Variants in GFOD1 observed in about 807,000 individuals in gnomAD.
GFOD1 encodes the protein Gfo/Idh/MocA-like oxidoreductase domain containing 1, also known as glucose-fructose oxidoreductase domain-containing protein 1.
A neutral mutation model predicts 25.4 loss-of-function variants in GFOD1; 9 were observed. The observed-to-expected ratio is 0.35, with a 90% CI of 0.21 to 0.62. The LOEUF (loss-of-function observed/expected upper bound fraction) is 0.62, where lower values mean the gene tolerates loss of function less well. Ranked by LOEUF, GFOD1 falls within the 20% of genes least tolerant of loss-of-function variation. The pLI is 0.72. For synonymous variants in GFOD1, 253 were observed against 245.6 expected, an observed-to-expected ratio of 1.03 and a Z score of -0.28; for missense variants, 403 against 556.9, an observed-to-expected ratio of 0.72 and a Z score of 2.78.
At chr6:13,461,522 C>T (rs1562226172) in intron 1 of GFOD1, among the ~76,000 whole-genome samples, 1 of 152,136 alleles carries the variant, frequency 6.6e-6, no homozygotes, top group Non-Finnish European at 1.5e-5. Flanking sequence ...TGCCGGCCCC[C>T]GCTTGTTTTT....
At chr6:13,396,825 C>T (rs1304199526) in intron 1 of GFOD1, among the ~76,000 whole-genome samples, 1 of 152,182 alleles carries the variant, frequency 6.6e-6, no homozygotes. Flanking sequence ...GAACACGGCC[C>T]TGCCAGCACA....
chr6:13,448,888 T>C (rs1406030875), intron 1 of GFOD1, among the ~76,000 whole-genome samples: 1 of 152,202 alleles, frequency 6.6e-6, no homozygotes, highest in Non-Finnish European at 1.5e-5. Flanking sequence ...CAAAAGTCTC[T>C]AAAACAGGGG....
intron 1 of GFOD1, among the ~76,000 whole-genome samples, chr6:13,421,426 C>G (rs1005851853): frequency 2.0e-5 from 3 of 152,022 alleles, no homozygotes; most frequent in Admixed American, 2.0e-4. Flanking sequence ...CCCAGGAGAT[C>G]AAAGCTGCAG....
At chr6:13,451,226 T>C (rs1166695669) in intron 1 of GFOD1, among the ~76,000 whole-genome samples, 1 of 152,196 alleles carries the variant, frequency 6.6e-6, no homozygotes, top group Admixed American at 6.5e-5. Context: ...AGTCTGGCCT[T>C]GAAAACCTTT....
intron 1 of GFOD1, among the ~76,000 whole-genome samples, chr6:13,447,818 A>C (rs1022187142): frequency 2.6e-5 from 4 of 151,980 alleles, no homozygotes; most frequent in Non-Finnish European, 5.9e-5. Context: ...GCATCAATCA[A>C]AAAAGTAAAG....
chr6:13,430,810 C>G lies in GFOD1; in HGVS notation c.253+55828G>C, dbSNP rs899762207. Among the ~76,000 whole-genome samples, 7 of 152,142 alleles carry G rather than the reference C, an allele frequency of 4.6e-5. No individual in the cohort carries two copies. The highest frequency in any genetic ancestry group is 1.7e-4 in the African/African-American group (7 of 41,430). On this transcript the variant is annotated intron_variant, in intron 1 of 1. Coordinates refer to ENST00000379287, the MANE Select transcript of GFOD1 (RefSeq NM_018988.4). The surrounding 1 kb of genome is among the most constrained non-coding windows in gnomAD (Gnocchi z 4.1). Reference sequence around the variant, plus strand: ...CTCCTGTCAGGCTCGCTACCAAACTCTACTCCTCACCCTCTCTTTCTCCAG... The same window carrying G: ...CTCCTGTCAGGCTCGCTACCAAACTGTACTCCTCACCCTCTCTTTCTCCAG...
intron 1 of GFOD1, among the ~76,000 whole-genome samples, chr6:13,382,138 C>A (rs1443543816): frequency 6.6e-6 from 1 of 152,102 alleles, no homozygotes; most frequent in Admixed American, 6.5e-5. Context: ...GGATCCAAAC[C>A]CCCATAATCT....
At chr6:13,420,476 G>A (rs1158039730) in intron 1 of GFOD1, among the ~76,000 whole-genome samples, 1 of 152,180 alleles carries the variant, frequency 6.6e-6, no homozygotes, top group African/African-American at 2.4e-5. Context: ...GGAACACTAA[G>A]GGAATTAGGA....
rs149909873 is a variant in GFOD1, at chr6:13,392,419, C to T, written c.254-26757G>A. ...TGGTCAGTGTGTTTTGAATAGGTAA[C>T]GACTCCTCCACCAAAAAATAAAAAG... is the stretch of plus-strand genomic sequence containing the variant. On this transcript the variant is annotated intron_variant, in intron 1 of 1. Transcript: ENST00000379287. Among the ~76,000 whole-genome samples the T allele has an allele frequency of 1.2e-3, 181 of 146,670 alleles. 1 individual carries two copies. The East Asian group carries it at 0.031, about 25-fold the overall frequency.
In GFOD1 at chr6:13,360,603, T is replaced by C; in HGVS notation, c.*4140A>G. 2.3e-6 allele frequency: 1 copy of C among 425,688 alleles called. No individual in the cohort carries two copies. The highest frequency in any genetic ancestry group is 4.8e-6 in the Non-Finnish European group (1 of 206,596). The allele number at this position is 425,688 out of a possible 1,614,324, so 26.4% of individuals were successfully genotyped here. On this transcript the variant is annotated 3_prime_UTR_variant, in exon 2 of 2. Transcript: ENST00000379287. Reference sequence around the variant, plus strand: ...CTTGCTGCATCACCTACAATCAAAATGAACATAGGAAGTCAATTTTAAAAA... The same window carrying C: ...CTTGCTGCATCACCTACAATCAAAACGAACATAGGAAGTCAATTTTAAAAA...
chr6:13,399,767 T>A (rs1785806154), intron 1 of GFOD1, among the ~76,000 whole-genome samples: 1 of 152,212 alleles, frequency 6.6e-6, no homozygotes, highest in Non-Finnish European at 1.5e-5. Flanking sequence ...AAAAGTCAAC[T>A]AAGGCAACTA....
At chr6:13,437,625 G>A (rs1757853903) in intron 1 of GFOD1, among the ~76,000 whole-genome samples, 1 of 152,158 alleles carries the variant, frequency 6.6e-6, no homozygotes, top group South Asian at 2.1e-4. Flanking sequence ...TGCCTTTTTA[G>A]TTCAAACCTC....
intron 1 of GFOD1, among the ~76,000 whole-genome samples, chr6:13,391,396 G>C (rs1453800435): frequency 6.6e-6 from 1 of 151,814 alleles, no homozygotes; most frequent in Non-Finnish European, 1.5e-5. Flanking sequence ...TACTCGGGAG[G>C]CTGAGGCAGG....
intron 1 of GFOD1, among the ~76,000 whole-genome samples, chr6:13,419,800 G>A (rs1449383700): frequency 2.0e-5 from 3 of 152,156 alleles, no homozygotes; most frequent in Admixed American, 6.5e-5. Flanking sequence ...CCTGCTGTCC[G>A]TAAATGTTCA....
rs979618971 is a variant in GFOD1 at position 13,406,126 on chromosome 6, C to T, written c.254-40464G>A. Among the ~76,000 whole-genome samples the T allele has an allele frequency of 9.2e-5, 14 of 152,258 alleles. No individual in the cohort carries two copies. In the East Asian group the frequency reaches 2.5e-3, roughly 27 times the overall value. ...CCTTTTGGCAGGAGGTGGAGATGGG[C>T]AGGGGTGGAAAGAACCCACAAATGT... On this transcript the variant is annotated intron_variant, in intron 1 of 1. Transcript: ENST00000379287.
Position 13,387,127 on chromosome 6 carries a change from CA to C in GFOD1, c.254-21466del. On this transcript the variant is annotated intron_variant, in intron 1 of 1. Transcript: ENST00000379287. ...GCATACACACAAGAAATTGAAATTG[CA>C]AGCAGCTTTCCCACATGGAAGAGGC... 1.3e-5 allele frequency among the ~76,000 whole-genome samples: 2 copies of C among 152,140 alleles called. 1 individual carries two copies. Among genetic ancestry groups the C allele is most frequent in the South Asian group, 4.2e-4 (2 of 4,818 alleles).
intron 1 of GFOD1, among the ~76,000 whole-genome samples, chr6:13,378,984 C>T (rs1181581666): frequency 2.0e-5 from 3 of 152,174 alleles, no homozygotes; most frequent in African/African-American, 7.2e-5. Flanking sequence ...AGGCAATAAA[C>T]CCCTCCTGCA....
intron 1 of GFOD1, among the ~76,000 whole-genome samples, chr6:13,454,440 C>A (rs142957395): frequency 2.8e-4 from 42 of 152,308 alleles, no homozygotes; most frequent in Middle Eastern, 6.8e-3. Flanking sequence ...ATAATAATTG[C>A]ACCTTTGTTG....
chr6:13,369,732 G>C (rs1785112852), intron 1 of GFOD1, among the ~76,000 whole-genome samples: 1 of 152,170 alleles, frequency 6.6e-6, no homozygotes, highest in African/African-American at 2.4e-5. Context: ...CTGTCATGCA[G>C]CCATATAATA....
Sources: allele counts gnomAD v4.1 joint callset (sites outside exome capture counted in the v4.1 genomes callset), GRCh38; gene constraint gnomAD v4.1.1; non-coding constraint Gnocchi (gnomAD v3.1); transcripts MANE v1.5; gene names NCBI Gene and HGNC (gene_info 2026-07-23, HGNC 2026-07-21).